MPO: variants seen among roughly 807,000 people sequenced by gnomAD.
MPO encodes myeloperoxidase.
MPO carries 57 observed loss-of-function variants against 69.4 expected under a neutral mutation model. The ratio of observed to expected loss-of-function variants is 0.82; its 90% CI spans 0.66 to 1.02. The LOEUF (loss-of-function observed/expected upper bound fraction) is 1.02. Among genes scored for constraint, MPO ranks in the 50% least tolerant of loss-of-function variants. The probability of loss-of-function intolerance (pLI) is 0.00; values close to 1 mark genes in which losing one functional copy is unlikely to be tolerated. For synonymous variants in MPO, 426 were observed against 417.1 expected (o/e 1.02, Z -0.26); for missense variants, 971 against 1,014.1 (o/e 0.96, Z 0.58).
At position 58,279,142 on chromosome 17, in the gene MPO, T is replaced by C; in HGVS notation, c.751A>G (p.Met251Val). The C allele has an allele frequency of 6.2e-7, 1 of 1,612,754 alleles. No individual in the cohort carries two copies. Among genetic ancestry groups the C allele is most frequent in the Non-Finnish European group, 8.5e-7 (1 of 1,179,516 alleles). Residue 251 changes from methionine (M) to valine (V), a missense_variant, in exon 6 of 12, where the codon ATG (methionine) becomes GTG (valine). Physicochemically the swap from Met to Val is conservative, Grantham distance 21. Transcript: ENST00000225275. ...AACAGCTGGCCCCATTGCATGAACATGAGTGAGCGCTCCTGGTCCGGAGTC... is the reference window on the plus strand; with the variant it reads ...AACAGCTGGCCCCATTGCATGAACACGAGTGAGCGCTCCTGGTCCGGAGTC... Reference protein sequence around the residue: ...QLTPDQERSLMFMQWGQLLDH... With the variant: ...QLTPDQERSLVFMQWGQLLDH...
In MPO at chr17:58,270,524, T is replaced by C. The variant is rs1287176405; in HGVS notation, c.*132A>G. ...CTTCGCACATACATGAGCACACAAATGAACGTCTAGTCACTCATTTTCTCA... is the reference window on the plus strand; with the variant it reads ...CTTCGCACATACATGAGCACACAAACGAACGTCTAGTCACTCATTTTCTCA... On this transcript the variant is annotated 3_prime_UTR_variant, in exon 12 of 12. Transcript: ENST00000225275. The surrounding 1 kb of genome is among the most constrained non-coding windows in gnomAD (Gnocchi z 4.1). 5.1e-6 allele frequency: 4 copies of C among 787,668 alleles called. No homozygotes were observed. Among genetic ancestry groups the C allele is most frequent in the Non-Finnish European group, 8.8e-6 (4 of 454,620 alleles). The allele number at this position is 787,668 out of a possible 1,614,324, so 48.8% of individuals were successfully genotyped here. A position where few individuals can be genotyped will look rare whatever the true frequency, so the allele number is the denominator to read the frequency against.
At position 58,277,881 on chromosome 17, in the gene MPO, C is replaced by T. The variant is rs1195665004; in HGVS notation, c.1150G>A (p.Asp384Asn). The T allele has an allele frequency of 1.9e-6, 3 of 1,609,654 alleles. No individual in the cohort carries two copies. Among genetic ancestry groups the T allele is most frequent in the Non-Finnish European group, 2.5e-6 (3 of 1,180,024 alleles). The stretch of plus-strand genomic sequence containing the variant: ...CGGTTGGTGAGGAGACAGGGGTCAT[C>T]GTGCAGGTTGTCAAAGGGCAGCAGG... ...RALLPFDNLHDDPCLLTNRSA... is the reference protein window; with the variant it reads ...RALLPFDNLHNDPCLLTNRSA... The change falls in exon 7 of 12, where the codon GAT becomes AAT. Residue 384 changes from aspartate (D) to asparagine (N), a missense_variant. Asp to Asn is a conservative substitution (Grantham distance 23). Coordinates refer to ENST00000225275, the MANE Select transcript of MPO (RefSeq NM_000250.2).
rs1970427257 is a variant in MPO, at chr17:58,275,673, G to T, written c.1234C>A (p.Leu412Ile). 8.1e-6 allele frequency: 13 copies of T among 1,614,192 alleles called. No homozygotes were observed. The highest frequency in any genetic ancestry group is 1.1e-5 in the Non-Finnish European group (13 of 1,180,044). Residue 412 changes from leucine (L) to isoleucine (I), a missense_variant, in exon 8 of 12, where the codon CTC becomes ATC. Physicochemically the swap from Leu to Ile is conservative, Grantham distance 5 (BLOSUM62 2). Coordinates refer to ENST00000225275, the MANE Select transcript of MPO (RefSeq NM_000250.2). The surrounding 1 kb of genome is among the most constrained non-coding windows in gnomAD (Gnocchi z 4.1). ...GDTRSSEMPE[L>I]TSMHTLLLRE... ...AGTAAGAGGGTGTGCATGGAGGTGA[G>T]CTCGGGCATCTCACTGGAACGGGTG...
chr17:58,271,964 G>A, intron 10 of MPO, 72 bp from the exon 11 acceptor site: 1 of 1,502,778 alleles, frequency 6.7e-7, no homozygotes, highest in Non-Finnish European at 9.2e-7. Context: ...ACTGGAGACA[G>A]CAGGGAAGAT....
In MPO at chr17:58,270,473, A is replaced by G. The variant is rs551161778; in HGVS notation, c.*183T>C. On this transcript the variant is annotated 3_prime_UTR_variant, in exon 12 of 12. Transcript: ENST00000225275. The surrounding 1 kb of genome is among the most constrained non-coding windows in gnomAD (Gnocchi z 4.1). ...AACACTCCCCATGTTCAGACAACAC[A>G]CACGCATGAAAAGCCAATTTATATA... 649 of 649,612 alleles carry G rather than the reference A, an allele frequency of 1.0e-3. 1 individual carries two copies. Among genetic ancestry groups the G allele is most frequent in the Non-Finnish European group, 1.2e-3 (432 of 355,212 alleles). 40.2% of individuals were successfully genotyped at this position (649,612 alleles called of 1,614,324 possible).
At chr17:58,280,530 CCTGCTCTGAGAAAAGGGGTCT>C (rs1970505034) in intron 1 of MPO, 54 bp downstream of exon 1, 9 of 1,613,800 alleles carry the variant, frequency 5.6e-6, no homozygotes, top group Non-Finnish European at 6.8e-6. Context: ...GCTAGGAAGG[CCTGCTCTGAGAAAAGGGGTCT>C]CTGGAACACA....
Position 58,280,397 on chromosome 17 carries a change from C to T in MPO, c.217G>A (p.Val73Met). ...CGCCGCTCCTTGTAGGCCTTGTCCA[C>T]CAGCTGCTTGGCCTCCTCCATGGAG... ...LSSMEEAKQL[V>M]DKAYKERRES... Residue 73 changes from valine (V) to methionine (M), a missense_variant, in exon 2 of 12, where the codon GTG (valine) becomes ATG (methionine). Physicochemically the swap from Val to Met is conservative, Grantham distance 21 (BLOSUM62 1). Transcript: ENST00000225275. The T allele has an allele frequency of 1.2e-6, 2 of 1,614,126 alleles. No individual in the cohort carries two copies. The highest frequency in any genetic ancestry group is 1.7e-6 in the Non-Finnish European group (2 of 1,179,988).
chr17:58,270,957 C>G lies in MPO; in HGVS notation c.2031-94G>C. ...GTGCTGCTCCCAGGATATAACAAAG[C>G]CACAACAAATGCCACCTGGAAGCAC... On this transcript the variant is annotated intron_variant, in intron 11 of 11. Transcript: ENST00000225275. The surrounding 1 kb of genome is among the most constrained non-coding windows in gnomAD (Gnocchi z 4.1). 7.0e-7 allele frequency: 1 copy of G among 1,436,834 alleles called. No individual in the cohort carries two copies. The highest frequency in any genetic ancestry group is 9.7e-7 in the Non-Finnish European group (1 of 1,029,626). 89.0% of individuals were successfully genotyped at this position (1,436,834 alleles called of 1,614,324 possible).
Position 58,275,277 on chromosome 17 carries a change from A to G in MPO, c.1365+265T>C, listed in dbSNP as rs1970422624. Among the ~76,000 whole-genome samples, 1 of 152,202 alleles carries G rather than the reference A, an allele frequency of 6.6e-6. No individual in the cohort carries two copies. The highest frequency in any genetic ancestry group is 1.5e-5 in the Non-Finnish European group (1 of 68,040). ...CAGCTACTTGGGCGCTAAACCAAAC[A>G]TTCAACCCTCCCAACACCAATAACA... On this transcript the variant is annotated intron_variant, in intron 8 of 11. Transcript: ENST00000225275. The surrounding 1 kb of genome is among the most constrained non-coding windows in gnomAD (Gnocchi z 4.1).
chr17:58,274,075 G>A (rs1009426653), intron 8 of MPO: 3 of 440,154 alleles, frequency 6.8e-6, no homozygotes, highest in African/African-American at 6.1e-5. Context: ...GAGAGCAAGG[G>A]AAATTGAAGT....
rs774294175 is a variant in MPO, at chr17:58,279,855, CCT to C, written c.406_407del (p.Arg136AlafsTer6). ...CAACAGTACCAGTGACATTGAATGG[CCT>C]TCGCCACAGGGACCGCAGCTTCCTC... ...LERKLRSLWR[R>X]PFNVTDVLTP... On this transcript the variant is annotated frameshift_variant, in exon 3 of 12. Transcript: ENST00000225275. LOFTEE classifies it high-confidence loss of function. The C allele has an allele frequency of 8.7e-6, 14 of 1,613,958 alleles. No homozygotes were observed. Among genetic ancestry groups the C allele is most frequent in the Non-Finnish European group, 1.2e-5 (14 of 1,180,028 alleles).
rs56261212 is a variant in MPO at position 58,275,634 on chromosome 17, G to T, written c.1273C>A (p.Arg425=). The T allele has an allele frequency of 6.2e-7, 1 of 1,614,142 alleles. No individual in the cohort carries two copies. The highest frequency in any genetic ancestry group is 2.2e-5 in the East Asian group (1 of 44,880). Residue 425 remains arginine, a synonymous_variant, in exon 8 of 12, where the codon CGG becomes AGG. Transcript: ENST00000225275. The surrounding 1 kb of genome is among the most constrained non-coding windows in gnomAD (Gnocchi z 4.1). ...MHTLLLREHN[R]LATELKSLNP... is the part of the protein sequence containing the mutation. ...AGGCTCTTGAGCTCTGTGGCCAGCCGGTTGTGCTCCCGAAGTAAGAGGGTG... is the reference window on the plus strand; with the variant it reads ...AGGCTCTTGAGCTCTGTGGCCAGCCTGTTGTGCTCCCGAAGTAAGAGGGTG...
rs1274114131 is a variant in MPO, at chr17:58,280,903, G to A, written c.-145C>T. On this transcript the variant is annotated 5_prime_UTR_variant, in exon 1 of 12. Transcript: ENST00000225275. ...CCAGCTGCTGTCATCCAGCTTCCAA[G>A]GACCCCACCTCCACAGCTCACCTGA... The A allele has an allele frequency of 2.2e-6, 2 of 899,576 alleles. No individual in the cohort carries two copies. The highest frequency in any genetic ancestry group is 3.4e-6 in the Non-Finnish European group (2 of 586,586). The allele number at this position is 899,576 out of a possible 1,614,324, so 55.7% of individuals were successfully genotyped here. A position where few individuals can be genotyped will look rare whatever the true frequency, so the allele number is the denominator to read the frequency against.
rs932535698 is a variant in MPO, at chr17:58,270,822, C to T, written c.2072G>A (p.Arg691Gln). The change falls in exon 12 of 12, where the codon CGA becomes CAA. Residue 691 changes from arginine to glutamine, a missense_variant. Arg to Gln is a conservative substitution (Grantham distance 43, BLOSUM62 1). Transcript: ENST00000225275. The surrounding 1 kb of genome is among the most constrained non-coding windows in gnomAD (Gnocchi z 4.1). ...ENEGVFSMQQ[R>Q]QALAQISLPR... Reference sequence around the variant, plus strand: ...CAATGAGATCTGGGCCAGGGCCTGTCGCTGCTGCATGCTGAACACACCCTC... The same window carrying T: ...CAATGAGATCTGGGCCAGGGCCTGTTGCTGCTGCATGCTGAACACACCCTC... 1.9e-6 allele frequency: 3 copies of T among 1,613,724 alleles called. No individual in the cohort carries two copies. The highest frequency in any genetic ancestry group is 2.5e-6 in the Non-Finnish European group (3 of 1,179,974).
At chr17:58,274,143 GT>G (rs1478827021) in intron 8 of MPO, 5 of 489,004 alleles carry the variant, frequency 1.0e-5, no homozygotes, top group African/African-American at 7.8e-5. Context: ...CTCAGTTTAG[GT>G]TTGTGGAAAG....
intron 6 of MPO, 24 bp from the exon 7 acceptor site, chr17:58,278,169 C>G (rs1293258917): frequency 1.3e-6 from 2 of 1,599,026 alleles, no homozygotes; most frequent in Non-Finnish European, 8.5e-7. Flanking sequence ...AGAGGCTAGA[C>G]TGGCTCACCG....
chr17:58,274,347 A>AGTGTGT (rs55893734), intron 8 of MPO: 5,021 of 334,290 alleles, frequency 0.015, 90 homozygotes, highest in African/African-American at 0.053. Flanking sequence ...AGAATCTAGG[A>AGTGTGT]GTGTGTGTGT....
Position 58,278,062 on chromosome 17 carries a change from G to A in MPO, c.969C>T (p.Asn323=). The change falls in exon 7 of 12, where the codon AAC becomes AAT. Residue 323 remains asparagine, a synonymous_variant. Transcript: ENST00000225275. ...FRSCPACPGS[N]ITIRNQINAL... ...CGTTGATCTGGTTGCGGATGGTGATGTTGCTCCCGGGGCAAGCCGGGCAGG... is the reference window on the plus strand; with the variant it reads ...CGTTGATCTGGTTGCGGATGGTGATATTGCTCCCGGGGCAAGCCGGGCAGG... 6.2e-7 allele frequency: 1 copy of A among 1,612,698 alleles called. No homozygotes were observed. Among genetic ancestry groups the A allele is most frequent in the Non-Finnish European group, 8.5e-7 (1 of 1,180,026 alleles).
chr17:58,280,861 G>GCT lies in MPO; in HGVS notation c.-105_-104dup. The GCT allele has an allele frequency of 7.2e-7, 1 of 1,396,832 alleles. No homozygotes were observed. Among genetic ancestry groups the GCT allele is most frequent in the South Asian group, 1.3e-5 (1 of 78,680 alleles). 86.5% of individuals were successfully genotyped at this position (1,396,832 alleles called of 1,614,324 possible). ...GACCTCCTTGAGGGAGGGGCTCACT[G>GCT]CTCTCTTATCCCCTTGCCAGCTGCT... On this transcript the variant is annotated 5_prime_UTR_variant, in exon 1 of 12. It removes the in-frame stop codon of an upstream open reading frame in the 5' UTR. Transcript: ENST00000225275.
Sources: gnomAD v4.1 joint callset for allele counts (sites outside exome capture counted in the v4.1 genomes callset) on GRCh38, gnomAD v4.1.1 for gene constraint, Gnocchi (gnomAD v3.1) non-coding constraint, MANE v1.5 for transcripts, NCBI Gene and HGNC (gene_info 2026-07-23, HGNC 2026-07-21) for gene names.